The following PSD3 variants were observed in gnomAD, a reference collection of about 807,000 sequenced individuals.
PSD3 encodes pleckstrin and Sec7 domain containing 3, also known as PH and SEC7 domain-containing protein 3.
A neutral mutation model predicts 105.5 loss-of-function variants in PSD3; 49 were observed. The ratio of observed to expected loss-of-function variants is 0.46; its 90% CI spans 0.37 to 0.59. The LOEUF is 0.59. Ranked by LOEUF, PSD3 falls within the 20% of genes least tolerant of loss-of-function variation. The pLI is 0.00. For missense variants in PSD3, 1,561 were observed against 1,263.8 expected (o/e 1.24, Z -3.57); for synonymous variants, 557 against 457.8 (o/e 1.22, Z -2.77).
chr8:18,906,811 A>C (rs1282867812), intron 2 of PSD3, among the ~76,000 whole-genome samples: 1 of 152,226 alleles, frequency 6.6e-6, no homozygotes, highest in Non-Finnish European at 1.5e-5. Flanking sequence ...TGCATATACA[A>C]AAGATTATAT....
chr8:19,010,296 A>G (rs1377001681), intron 1 of PSD3, among the ~76,000 whole-genome samples: 2 of 152,186 alleles, frequency 1.3e-5, no homozygotes, highest in African/African-American at 4.8e-5. Flanking sequence ...TGATGTGTCA[A>G]CAAAGTCCCT....
At chr8:18,969,209 T>C (rs1459822199) in intron 1 of PSD3, among the ~76,000 whole-genome samples, 1 of 152,184 alleles carries the variant, frequency 6.6e-6, no homozygotes, top group Non-Finnish European at 1.5e-5. Context: ...ATAACAGCTG[T>C]AAAGTGCGAA....
intron 9 of PSD3, among the ~76,000 whole-genome samples, chr8:18,656,040 T>C (rs776089825): frequency 1.3e-5 from 2 of 152,152 alleles, no homozygotes; most frequent in Non-Finnish European, 2.9e-5. Flanking sequence ...AGTTGGACAG[T>C]GGAGTACTCA....
At chr8:18,577,514 T>C (rs964579817) in intron 12 of PSD3, among the ~76,000 whole-genome samples, 1 of 152,102 alleles carries the variant, frequency 6.6e-6, no homozygotes, top group Admixed American at 6.6e-5. Context: ...TCTGATAAGT[T>C]TTATACATAT....
chr8:18,693,675 C>A (rs550136157), intron 9 of PSD3, among the ~76,000 whole-genome samples: 2 of 152,188 alleles, frequency 1.3e-5, no homozygotes, highest in African/African-American at 4.8e-5. Flanking sequence ...GTGGTGGCAA[C>A]TGCAGGCTAC....
intron 8 of PSD3, among the ~76,000 whole-genome samples, chr8:18,779,829 C>G (rs1777993553): frequency 6.6e-6 from 1 of 152,156 alleles, no homozygotes; most frequent in Non-Finnish European, 1.5e-5. Flanking sequence ...ATCGTTGAGA[C>G]TACTTTTGTT....
chr8:18,772,802 G>A (rs939583694), intron 8 of PSD3, among the ~76,000 whole-genome samples: 8 of 152,126 alleles, frequency 5.3e-5, no homozygotes, highest in East Asian at 3.9e-4. Context: ...GAGCCACTGC[G>A]CCCGGCCCTT....
At chr8:18,960,286 A>G (rs1285457970) in intron 1 of PSD3, among the ~76,000 whole-genome samples, 1 of 152,240 alleles carries the variant, frequency 6.6e-6, no homozygotes, top group Admixed American at 6.5e-5. Context: ...GTAAGAAGGA[A>G]TCTTAAGAAA....
intron 2 of PSD3, among the ~76,000 whole-genome samples, chr8:18,903,828 G>C (rs1819667585): frequency 2.0e-5 from 3 of 152,074 alleles, no homozygotes; most frequent in South Asian, 4.2e-4. Context: ...GGGGACATGT[G>C]GCACCCTCCA....
chr8:18,830,632 C>T (rs942098500), intron 4 of PSD3, among the ~76,000 whole-genome samples: 1 of 152,138 alleles, frequency 6.6e-6, no homozygotes, highest in Non-Finnish European at 1.5e-5. Flanking sequence ...GGCTTTTGGG[C>T]AAACTTTTTT....
chr8:18,582,605 T>C (rs879294804), intron 12 of PSD3, among the ~76,000 whole-genome samples: 2 of 152,108 alleles, frequency 1.3e-5, no homozygotes, highest in East Asian at 1.9e-4. Flanking sequence ...GGCCCCTTCA[T>C]TGGCTCCAGA....
intron 2 of PSD3, among the ~76,000 whole-genome samples, chr8:18,929,110 G>T (rs2129468306): frequency 6.6e-6 from 1 of 152,268 alleles, no homozygotes; most frequent in Non-Finnish European, 1.5e-5. Context: ...TTTACAAATT[G>T]TATCTCAATA....
intron 1 of PSD3, among the ~76,000 whole-genome samples, chr8:18,987,250 T>A (rs1448743224): frequency 1.3e-5 from 2 of 151,718 alleles, no homozygotes; most frequent in Admixed American, 1.3e-4. Context: ...ATAAATGAGA[T>A]TTATTTTAGA....
intron 9 of PSD3, among the ~76,000 whole-genome samples, chr8:18,728,536 G>C (rs1198468550): frequency 1.3e-5 from 2 of 152,144 alleles, no homozygotes. Context: ...GAGACTTAGA[G>C]GCAAGACAGA....
chr8:18,974,633 G>C (rs1379349318), intron 1 of PSD3, among the ~76,000 whole-genome samples: 1 of 151,310 alleles, frequency 6.6e-6, no homozygotes, highest in African/African-American at 2.4e-5. Context: ...CTAGTGCAGG[G>C]AGACTGAAGG....
Position 18,859,941 on chromosome 8 carries a change from T to C in PSD3, c.1634+7733A>G, listed in dbSNP as rs184345567. Among the ~76,000 whole-genome samples, 9 of 152,376 alleles carry C rather than the reference T, an allele frequency of 5.9e-5. No individual in the cohort carries two copies. In the East Asian group the frequency reaches 1.5e-3, roughly 26 times the overall value. On this transcript the variant is annotated intron_variant, in intron 4 of 15. Coordinates refer to ENST00000327040, the MANE Select transcript of PSD3 (RefSeq NM_015310.4). Reference sequence around the variant, plus strand: ...TTTAATTTCCTTCAAGAACTTTTCATTGCATTCACAACTTGGCTGTTTGGT... The same window carrying C: ...TTTAATTTCCTTCAAGAACTTTTCACTGCATTCACAACTTGGCTGTTTGGT...
intron 10 of PSD3, among the ~76,000 whole-genome samples, chr8:18,636,353 T>A (rs998817522): frequency 4.6e-5 from 7 of 152,202 alleles, no homozygotes; most frequent in Non-Finnish European, 1.0e-4. Context: ...GGATATAATG[T>A]TTTTGTACAG....
intron 1 of PSD3, among the ~76,000 whole-genome samples, chr8:18,965,171 G>A (rs954730004): frequency 1.3e-5 from 2 of 151,980 alleles, no homozygotes; most frequent in African/African-American, 4.8e-5. Flanking sequence ...ATCCCAAATA[G>A]CAACATTATT....
chr8:19,039,199 T>A (rs944789119), intron 1 of PSD3, among the ~76,000 whole-genome samples: 1 of 152,182 alleles, frequency 6.6e-6, no homozygotes, highest in African/African-American at 2.4e-5. Context: ...TATGCAAAGG[T>A]TAGAGCCTTT....
Sources: allele counts gnomAD v4.1 joint callset (sites outside exome capture counted in the v4.1 genomes callset), GRCh38; gene constraint gnomAD v4.1.1; transcripts MANE v1.5; gene names NCBI Gene and HGNC (gene_info 2026-07-23, HGNC 2026-07-21).